ALDH1A2: variants seen among roughly 807,000 people sequenced by gnomAD.
ALDH1A2 encodes the protein retinal dehydrogenase 2.
In ALDH1A2, 27 loss-of-function variants were observed where a neutral mutation model predicts 60.3. That is an observed-to-expected ratio of 0.45 (90% CI 0.33 to 0.62). The LOEUF (loss-of-function observed/expected upper bound fraction) is 0.62. ALDH1A2 is among the 20% of genes least tolerant of loss of function. ALDH1A2 has a pLI of 0.02. For synonymous variants in ALDH1A2, 289 were observed against 232.4 expected, an observed-to-expected ratio of 1.24 and a Z score of -2.21; for missense variants, 581 against 643.8, an observed-to-expected ratio of 0.90 and a Z score of 1.06.
At chr15:58,049,419 T>C (rs955267056) in intron 1 of ALDH1A2, among the ~76,000 whole-genome samples, 26 of 152,162 alleles carry the variant, frequency 1.7e-4, no homozygotes, top group African/African-American at 5.8e-4. Context: ...AAATAAGATA[T>C]TGGATTACTG....
At chr15:58,038,814 T>A (rs748570425) in intron 1 of ALDH1A2, among the ~76,000 whole-genome samples, 1 of 151,842 alleles carries the variant, frequency 6.6e-6, no homozygotes, top group South Asian at 2.1e-4. Context: ...AGGTAATGCC[T>A]ATACAAGCTC....
intron 7 of ALDH1A2, 148 bp downstream of exon 7, chr15:57,992,557 G>A (rs554189055): frequency 2.6e-6 from 2 of 766,832 alleles, no homozygotes; most frequent in Admixed American, 2.0e-5. Context: ...ATCCACCAGT[G>A]TTCTATGACA....
At chr15:58,002,162 T>C (rs1459953328) in intron 4 of ALDH1A2, among the ~76,000 whole-genome samples, 1 of 151,926 alleles carries the variant, frequency 6.6e-6, no homozygotes, top group Non-Finnish European at 1.5e-5. Context: ...TATAAAAATC[T>C]TACAATTAAA....
At chr15:57,995,237 C>CAA (rs1344609861) in intron 4 of ALDH1A2, 98 bp from the exon 5 acceptor site, 3 of 474,046 alleles carry the variant, frequency 6.3e-6, no homozygotes, top group South Asian at 2.4e-5. Context: ...AAAAAAAAAA[C>CAA]AAACAGAAAT....
At chr15:57,980,481 C>T (rs1393029939) in intron 7 of ALDH1A2, 2 of 278,696 alleles carry the variant, frequency 7.2e-6, no homozygotes, top group African/African-American at 4.5e-5. Context: ...ATAATCCCGT[C>T]CTTCAGGCTC....
intron 1 of ALDH1A2, among the ~76,000 whole-genome samples, chr15:58,063,509 C>G (rs1250189163): frequency 2.0e-5 from 3 of 151,994 alleles, no homozygotes; most frequent in Non-Finnish European, 4.4e-5. Flanking sequence ...GTAAAAAAAT[C>G]ATTACCCTGG....
chr15:57,973,552 G>A (rs184580706), intron 7 of ALDH1A2, among the ~76,000 whole-genome samples: 1 of 152,178 alleles, frequency 6.6e-6, no homozygotes, highest in Non-Finnish European at 1.5e-5. Flanking sequence ...TAGAATAAAT[G>A]GATAAAGAAG....
At chr15:57,974,149 G>T (rs1413423534) in intron 7 of ALDH1A2, among the ~76,000 whole-genome samples, 1 of 152,124 alleles carries the variant, frequency 6.6e-6, no homozygotes, top group African/African-American at 2.4e-5. Flanking sequence ...TACAGAAATA[G>T]ACCCATATAG....
At chr15:57,978,197 C>CTGAT in intron 7 of ALDH1A2, among the ~76,000 whole-genome samples, 1 of 152,264 alleles carries the variant, frequency 6.6e-6, no homozygotes, top group East Asian at 1.9e-4. Flanking sequence ...TTTCTTTTGC[C>CTGAT]TGATTGCCCT....
chr15:58,035,078 C>G (rs1595680936), intron 1 of ALDH1A2, among the ~76,000 whole-genome samples: 1 of 151,628 alleles, frequency 6.6e-6, no homozygotes, highest in Non-Finnish European at 1.5e-5. Flanking sequence ...GTGAAACCAT[C>G]TGGACTTAGT....
intron 4 of ALDH1A2, among the ~76,000 whole-genome samples, chr15:57,996,929 T>C (rs899474503): frequency 1.6e-4 from 25 of 152,038 alleles, no homozygotes; most frequent in African/African-American, 6.0e-4. Context: ...TTTGCTATTT[T>C]TCTATTGGGT....
intron 1 of ALDH1A2, among the ~76,000 whole-genome samples, chr15:58,032,296 A>G: frequency 6.6e-6 from 1 of 152,094 alleles, no homozygotes; most frequent in Non-Finnish European, 1.5e-5. Flanking sequence ...ATAGGTGGGA[A>G]TTGAACAATG....
At chr15:58,057,026 T>A (rs570903619) in intron 1 of ALDH1A2, among the ~76,000 whole-genome samples, 7 of 152,060 alleles carry the variant, frequency 4.6e-5, no homozygotes, top group Non-Finnish European at 2.9e-5. Context: ...CCTAATTAAG[T>A]TGTAGATACA....
chr15:58,034,418 T>C (rs1486288361), intron 1 of ALDH1A2, among the ~76,000 whole-genome samples: 1 of 151,676 alleles, frequency 6.6e-6, no homozygotes, highest in African/African-American at 2.4e-5. Flanking sequence ...AATTATGTTA[T>C]CTGTGAAAAA....
chr15:58,062,818 T>C (rs546377827), intron 1 of ALDH1A2, among the ~76,000 whole-genome samples: 1 of 152,348 alleles, frequency 6.6e-6, no homozygotes, highest in East Asian at 1.9e-4. Context: ...TGGTATAATA[T>C]GGATACTAGA....
intron 4 of ALDH1A2, among the ~76,000 whole-genome samples, chr15:58,006,528 A>C (rs1222912998): frequency 2.6e-5 from 4 of 151,824 alleles, no homozygotes; most frequent in African/African-American, 9.7e-5. Flanking sequence ...GGGTAGGTAC[A>C]CCCATTAGTG....
chr15:57,969,107 C>T (rs746681734), intron 7 of ALDH1A2, among the ~76,000 whole-genome samples: 1 of 152,158 alleles, frequency 6.6e-6, no homozygotes, highest in African/African-American at 2.4e-5. Flanking sequence ...TATGGGAGAA[C>T]CACTTCCATC....
chr15:57,959,642 C>T (rs1301849709), intron 12 of ALDH1A2, among the ~76,000 whole-genome samples: 5 of 151,982 alleles, frequency 3.3e-5, no homozygotes, highest in Admixed American at 6.5e-5. Flanking sequence ...CACAAGAACC[C>T]TGAGGTAGGT....
At position 58,035,757 on chromosome 15, in the gene ALDH1A2, C is replaced by T. The variant is rs149034751; in HGVS notation, c.118-21476G>A. Among the ~76,000 whole-genome samples, 254 of 151,668 alleles carry T rather than the reference C, an allele frequency of 1.7e-3. 1 individual carries two copies. The highest frequency in any genetic ancestry group is 0.011 in the South Asian group (52 of 4,818). ...TGTTTTAGTTTAATTCCACTGTAAT[C>T]TGAGAATATCTTTTTTGCATAATTT... On this transcript the variant is annotated intron_variant, in intron 1 of 12. Transcript: ENST00000249750.
Sources: gnomAD v4.1 joint callset for allele counts (sites outside exome capture counted in the v4.1 genomes callset) on GRCh38, gnomAD v4.1.1 for gene constraint, MANE v1.5 for transcripts, NCBI Gene and HGNC (gene_info 2026-07-23, HGNC 2026-07-21) for gene names.